CSMD1: variants seen among roughly 807,000 people sequenced by gnomAD.
CSMD1 encodes CUB and Sushi multiple domains 1.
Under a neutral mutation model 417.5 loss-of-function variants are expected in CSMD1, and 213 were observed. The observed-to-expected ratio is 0.51, with a 90% confidence interval of 0.46 to 0.57. CSMD1 has a LOEUF of 0.57. Ranked by LOEUF, CSMD1 falls within the 20% of genes least tolerant of loss-of-function variation. The pLI is 0.00. For synonymous variants in CSMD1, 2,862 were observed against 1,736.8 expected (o/e 1.65, Z -16.11); for missense variants, 6,923 against 4,529.7 (o/e 1.53, Z -15.17).
intron 3 of CSMD1, among the ~76,000 whole-genome samples, chr8:4,295,770 A>G (rs1371534618): frequency 2.4e-4 from 9 of 38,164 alleles, no homozygotes; most frequent in Non-Finnish European, 5.1e-4. Context: ...ATATATATAT[A>G]TATATATATA....
intron 3 of CSMD1, among the ~76,000 whole-genome samples, chr8:4,203,335 C>G (rs1191918608): frequency 6.6e-6 from 1 of 152,118 alleles, no homozygotes; most frequent in Non-Finnish European, 1.5e-5. Flanking sequence ...GACCCATCTG[C>G]AGGTTAGAAG....
chr8:3,927,880 T>C (rs1364887060), intron 5 of CSMD1, among the ~76,000 whole-genome samples: 1 of 152,202 alleles, frequency 6.6e-6, no homozygotes, highest in Non-Finnish European at 1.5e-5. Flanking sequence ...ACATTCTTAA[T>C]ATGAGAGTCG....
At position 4,266,067 on chromosome 8, in the gene CSMD1, G is replaced by A. The variant is rs1338529439; in HGVS notation, c.415+153886C>T. ...GCATATTAGCTGATACTGATCACCT[G>A]CCCACCGCACATAGACTCACCAGGC... On this transcript the variant is annotated intron_variant, in intron 3 of 69. Coordinates refer to ENST00000635120, the MANE Select transcript of CSMD1 (RefSeq NM_033225.6). Among the ~76,000 whole-genome samples, 2 of 103,412 alleles carry A rather than the reference G, an allele frequency of 1.9e-5. 1 individual carries two copies. Among genetic ancestry groups the A allele is most frequent in the Admixed American group, 1.9e-4 (2 of 10,794 alleles). 67.8% of individuals were successfully genotyped at this position (103,412 alleles called of 152,430 possible).
chr8:4,798,067 G>A lies in CSMD1; in HGVS notation c.86-160509C>T, dbSNP rs554229445. ...TAGGGTACATGCGCACAACGTGCAG[G>A]TTTCTTAAGTATGTGTAAATGTGCC... On this transcript the variant is annotated intron_variant, in intron 1 of 69. Coordinates refer to ENST00000635120, the MANE Select transcript of CSMD1 (RefSeq NM_033225.6). 3.9e-5 allele frequency among the ~76,000 whole-genome samples: 6 copies of A among 152,250 alleles called. No homozygotes were observed. In the South Asian group the frequency reaches 1.0e-3, roughly 26 times the overall value.
At chr8:4,197,862 G>A (rs774009067) in intron 3 of CSMD1, among the ~76,000 whole-genome samples, 2 of 152,120 alleles carry the variant, frequency 1.3e-5, no homozygotes, top group Non-Finnish European at 2.9e-5. Context: ...CTGGGCAACA[G>A]AGTAAGACTC....
intron 1 of CSMD1, among the ~76,000 whole-genome samples, chr8:4,777,371 T>C (rs1330854664): frequency 6.6e-6 from 1 of 152,086 alleles, no homozygotes; most frequent in Non-Finnish European, 1.5e-5. Context: ...GGTTTTGAGC[T>C]TGGGGATGAT....
intron 3 of CSMD1, among the ~76,000 whole-genome samples, chr8:4,253,011 G>A (rs577153219): frequency 6.6e-5 from 10 of 152,278 alleles, no homozygotes; most frequent in South Asian, 2.1e-4. Flanking sequence ...TCGGATTATC[G>A]GTACCAGCAG....
At chr8:3,613,761 G>T (rs1317608702) in intron 8 of CSMD1, among the ~76,000 whole-genome samples, 1 of 147,646 alleles carries the variant, frequency 6.8e-6, no homozygotes, top group Non-Finnish European at 1.5e-5. Flanking sequence ...CAAACAGAAG[G>T]ATACTTCCTC....
intron 3 of CSMD1, among the ~76,000 whole-genome samples, chr8:4,280,825 A>G (rs1012292514): frequency 3.3e-5 from 5 of 152,232 alleles, no homozygotes; most frequent in African/African-American, 9.6e-5. Context: ...TGTATAAATT[A>G]TAAGACTTTT....
chr8:3,987,570 A>G (rs985941079), intron 5 of CSMD1, among the ~76,000 whole-genome samples: 1 of 152,158 alleles, frequency 6.6e-6, no homozygotes, highest in African/African-American at 2.4e-5. Context: ...GGGGAGGAAC[A>G]CCATTTTTAA....
At chr8:4,922,542 T>C (rs1384085172) in intron 1 of CSMD1, among the ~76,000 whole-genome samples, 1 of 152,186 alleles carries the variant, frequency 6.6e-6, no homozygotes, top group Non-Finnish European at 1.5e-5. Flanking sequence ...TCACACCCTT[T>C]CAGTTTTTAA....
chr8:3,600,011 T>C (rs1383098352), intron 8 of CSMD1, among the ~76,000 whole-genome samples: 6 of 152,144 alleles, frequency 3.9e-5, no homozygotes, highest in African/African-American at 1.4e-4. Context: ...GCAGGGAAAA[T>C]GACCACCACA....
intron 30 of CSMD1, among the ~76,000 whole-genome samples, chr8:3,206,784 T>C (rs1797318653): frequency 6.6e-6 from 1 of 152,064 alleles, no homozygotes; most frequent in Non-Finnish European, 1.5e-5. Flanking sequence ...GCTGAGAAAA[T>C]GAAAAACACT....
intron 11 of CSMD1, among the ~76,000 whole-genome samples, chr8:3,489,602 C>T (rs779097648): frequency 2.0e-5 from 3 of 152,180 alleles, no homozygotes; most frequent in Non-Finnish European, 4.4e-5. Context: ...GCCTGACATT[C>T]TATAAATATG....
At chr8:4,929,375 C>T (rs1487531916) in intron 1 of CSMD1, among the ~76,000 whole-genome samples, 9 of 152,248 alleles carry the variant, frequency 5.9e-5, no homozygotes, top group East Asian at 3.9e-4. Context: ...GCAAGGACTA[C>T]AATTATTAAA....
chr8:3,968,898 G>T lies in CSMD1; in HGVS notation c.818+29005C>A, dbSNP rs149253215. ...TTGCAAGAAAGATTCATGTAATTCAGATGTAATGATTTATCTCAAAGTTTT... is the reference window on the plus strand; with the variant it reads ...TTGCAAGAAAGATTCATGTAATTCATATGTAATGATTTATCTCAAAGTTTT... On this transcript the variant is annotated intron_variant, in intron 5 of 69. Coordinates refer to ENST00000635120, the MANE Select transcript of CSMD1 (RefSeq NM_033225.6). 1.1e-3 allele frequency among the ~76,000 whole-genome samples: 161 copies of T among 152,288 alleles called. 1 individual carries two copies. Among genetic ancestry groups the T allele is most frequent in the African/African-American group, 3.7e-3 (153 of 41,568 alleles).
At chr8:3,315,238 T>TAACTC (rs1374990614) in intron 23 of CSMD1, among the ~76,000 whole-genome samples, 6 of 152,204 alleles carry the variant, frequency 3.9e-5, no homozygotes, top group African/African-American at 1.4e-4. Flanking sequence ...TGCTTTTTAT[T>TAACTC]AACTCTATTT....
chr8:3,039,423 C>CCATT (rs1163908731), intron 50 of CSMD1, among the ~76,000 whole-genome samples: 3 of 143,638 alleles, frequency 2.1e-5, no homozygotes, highest in African/African-American at 8.3e-5. Flanking sequence ...CTCCCTCCCT[C>CCATT]CCTTCCTTCC....
At chr8:4,304,146 A>G (rs1798126832) in intron 3 of CSMD1, among the ~76,000 whole-genome samples, 1 of 152,224 alleles carries the variant, frequency 6.6e-6, no homozygotes. Context: ...ATTTTCAAAT[A>G]AAACAATTAG....
Sources: allele counts gnomAD v4.1 joint callset (sites outside exome capture counted in the v4.1 genomes callset), GRCh38; gene constraint gnomAD v4.1.1; transcripts MANE v1.5; gene names NCBI Gene and HGNC (gene_info 2026-07-23, HGNC 2026-07-21).